The following ZNF710 variants were observed in gnomAD, a reference collection of about 807,000 sequenced individuals.
ZNF710 encodes zinc finger protein 710.
ZNF710 carries 13 observed loss-of-function variants against 50.6 expected under a neutral mutation model. That is an observed-to-expected ratio of 0.26 (90% CI 0.17 to 0.41). The LOEUF is 0.41. Ranked by LOEUF, ZNF710 falls within the 10% of genes least tolerant of loss-of-function variation. The pLI is 1.00. For synonymous variants in ZNF710, 383 were observed against 397.0 expected (o/e 0.96, Z 0.42); for missense variants, 721 against 936.6 (o/e 0.77, Z 3.01).
intron 1 of ZNF710, among the ~76,000 whole-genome samples, chr15:90,066,233 T>C (rs1180708922): frequency 1.3e-5 from 2 of 152,172 alleles, no homozygotes; most frequent in Non-Finnish European, 2.9e-5. Context: ...TTTTTTATAT[T>C]GTGTTTCTGC....
chr15:90,029,440 G>A (rs904039558), intron 1 of ZNF710, among the ~76,000 whole-genome samples: 1 of 152,134 alleles, frequency 6.6e-6, no homozygotes, highest in Admixed American at 6.5e-5. Flanking sequence ...CAACTCAAAC[G>A]GGAATGGATT....
At chr15:90,055,532 T>C (rs914747650) in intron 1 of ZNF710, among the ~76,000 whole-genome samples, 2 of 152,210 alleles carry the variant, frequency 1.3e-5, no homozygotes, top group African/African-American at 4.8e-5. Context: ...GACTGGGATG[T>C]GGAGCAGGTG....
chr15:90,031,643 T>C (rs947563980), intron 1 of ZNF710, among the ~76,000 whole-genome samples: 2 of 152,218 alleles, frequency 1.3e-5, no homozygotes, highest in African/African-American at 4.8e-5. Flanking sequence ...CCAATTCTTG[T>C]GAGCCACTGG....
At chr15:90,000,475 C>G (rs1025654105), upstream of ZNF710, among the ~76,000 whole-genome samples, 10 of 152,050 alleles carry the variant, frequency 6.6e-5, no homozygotes, top group Admixed American at 1.3e-4. Context: ...AGCAGTGCGC[C>G]CCGGGGCCGA....
intron 1 of ZNF710, among the ~76,000 whole-genome samples, chr15:90,053,761 G>A (rs964471041): frequency 1.3e-5 from 2 of 152,082 alleles, no homozygotes; most frequent in East Asian, 3.9e-4. Flanking sequence ...CCTGACCTCA[G>A]AGAAGCAGGG....
rs372425290 is a variant in ZNF710, at chr15:90,031,018, CA to C, written c.-29+29413del. ...TGGGCGACAGAGCGAGACTCCGTCT[CA>C]AAAAAAAAGAAAAAAAAAAAAATGC... is the stretch of plus-strand genomic sequence containing the variant. On this transcript the variant is annotated intron_variant, in intron 1 of 4. Transcript: ENST00000268154. Among the ~76,000 whole-genome samples, 17 of 89,792 alleles carry C rather than the reference CA, an allele frequency of 1.9e-4. 2 individuals are homozygous for C. The highest frequency in any genetic ancestry group is 9.1e-4 in the African/African-American group (16 of 17,544). 58.9% of individuals were successfully genotyped at this position (89,792 alleles called of 152,430 possible).
chr15:90,038,190 CCT>C (rs755090269), intron 1 of ZNF710, among the ~76,000 whole-genome samples: 10 of 152,146 alleles, frequency 6.6e-5, no homozygotes, highest in African/African-American at 2.4e-4. Flanking sequence ...GTAGCAGGCC[CCT>C]CTCTCTATCA....
Position 90,067,782 on chromosome 15 carries a change from G to A in ZNF710, c.645G>A (p.Glu215=), listed in dbSNP as rs770245646. Reference sequence around the variant, plus strand: ...CTGGGCCAGAGGCCTTGCCCACAGAGTGTGGGTTCGAGCCACCCCACCTGG... The same window carrying A: ...CTGGGCCAGAGGCCTTGCCCACAGAATGTGGGTTCGAGCCACCCCACCTGG... ...ALPGPEALPT[E]CGFEPPHLAP... Residue 215 remains glutamate (E), a synonymous_variant, in exon 2 of 5, where the codon GAG becomes GAA. Coordinates refer to ENST00000268154, the MANE Select transcript of ZNF710 (RefSeq NM_198526.4). The surrounding 1 kb of genome is among the most constrained non-coding windows in gnomAD (Gnocchi z 8.1). 21 of 1,584,124 alleles carry A rather than the reference G, an allele frequency of 1.3e-5. No homozygotes were observed. The highest frequency in any genetic ancestry group is 1.7e-5 in the Non-Finnish European group (20 of 1,166,254).
At chr15:90,043,436 A>C (rs1370809572) in intron 1 of ZNF710, among the ~76,000 whole-genome samples, 2 of 152,222 alleles carry the variant, frequency 1.3e-5, no homozygotes, top group Non-Finnish European at 2.9e-5. Context: ...ACCCTGTAAT[A>C]AAGCTGATGG....
chr15:90,002,074 C>G (rs1898027390), intron 1 of ZNF710, among the ~76,000 whole-genome samples: 2 of 151,402 alleles, frequency 1.3e-5, no homozygotes, highest in South Asian at 4.2e-4. Context: ...GGCGGAGGCT[C>G]TCGGGCCCGC....
At position 90,005,670 on chromosome 15, in the gene ZNF710, G is replaced by T. The variant is rs1022063258; in HGVS notation, c.-29+4056G>T. ...TCACCAGGTTGGCCAGGATGGTCTC[G>T]ATCTCTTCACCTCGTGATCTGCCCG... On this transcript the variant is annotated intron_variant, in intron 1 of 4. Transcript: ENST00000268154. Among the ~76,000 whole-genome samples, 4 of 152,140 alleles carry T rather than the reference G, an allele frequency of 2.6e-5. No homozygotes were observed. In the East Asian group the frequency reaches 7.7e-4, roughly 29 times the overall value.
chr15:90,065,340 G>A (rs1260193887), intron 1 of ZNF710, among the ~76,000 whole-genome samples: 1 of 152,194 alleles, frequency 6.6e-6, no homozygotes. Flanking sequence ...GGGAGCCCTG[G>A]GAGCAAAGCA....
At chr15:90,069,800 T>G (rs1900312574) in intron 2 of ZNF710, among the ~76,000 whole-genome samples, 1 of 152,150 alleles carries the variant, frequency 6.6e-6, no homozygotes, top group Non-Finnish European at 1.5e-5. Context: ...AACCCAGCCT[T>G]GACCCGTACT....
At position 90,079,872 on chromosome 15, in the gene ZNF710, TG is replaced by T. The variant is rs1261986090; in HGVS notation, c.*48del. On this transcript the variant is annotated 3_prime_UTR_variant, in exon 5 of 5. Transcript: ENST00000268154. ...CTAACGGGGGCCGGGGGCGAGGGCATGGGGGTGAGACCCATGGGCTGCAGGC... is the reference window on the plus strand; with the variant it reads ...CTAACGGGGGCCGGGGGCGAGGGCATGGGGTGAGACCCATGGGCTGCAGGC... 2 of 1,550,690 alleles carry T rather than the reference TG, an allele frequency of 1.3e-6. No individual in the cohort carries two copies. The highest frequency in any genetic ancestry group is 2.8e-5 in the African/African-American group (2 of 72,018).
At chr15:90,015,595 CTTTT>C (rs35261596) in intron 1 of ZNF710, among the ~76,000 whole-genome samples, 1 of 136,786 alleles carries the variant, frequency 7.3e-6, no homozygotes. Flanking sequence ...CAATGCAATT[CTTTT>C]TTTTTTTTTT....
intron 1 of ZNF710, among the ~76,000 whole-genome samples, chr15:90,005,660 G>T (rs1270528309): frequency 6.6e-6 from 1 of 152,186 alleles, no homozygotes; most frequent in Non-Finnish European, 1.5e-5. Context: ...AGGTTGGCCA[G>T]GATGGTCTCG....
chr15:90,009,772 C>T (rs1898248619), intron 1 of ZNF710, among the ~76,000 whole-genome samples: 3 of 152,136 alleles, frequency 2.0e-5, no homozygotes, highest in African/African-American at 7.2e-5. Flanking sequence ...TCTGTCCCCA[C>T]TTCCTCTCTC....
At chr15:90,026,822 A>G (rs1898794987) in intron 1 of ZNF710, among the ~76,000 whole-genome samples, 1 of 152,228 alleles carries the variant, frequency 6.6e-6, no homozygotes, top group South Asian at 2.1e-4. Context: ...AAATTGAACA[A>G]CCATGTCTAC....
At position 90,034,899 on chromosome 15, in the gene ZNF710, C is replaced by T. The variant is rs1180510420; in HGVS notation, c.-28-32211C>T. Among the ~76,000 whole-genome samples the T allele has an allele frequency of 6.6e-6, 1 of 152,210 alleles. No homozygotes were observed. Among genetic ancestry groups the T allele is most frequent in the Non-Finnish European group, 1.5e-5 (1 of 68,036 alleles). ...GAGTTGCAAGCTCCCAGAAACGATG[C>T]TGTTAGGACCCTCTGTTCACTCAGA... On this transcript the variant is annotated intron_variant, in intron 1 of 4. Transcript: ENST00000268154. This position sits in a 1 kb window ranked among gnomAD's most constrained non-coding sequence, Gnocchi z 4.0.
Sources: gnomAD v4.1 joint callset for allele counts (sites outside exome capture counted in the v4.1 genomes callset) on GRCh38, gnomAD v4.1.1 for gene constraint, Gnocchi (gnomAD v3.1) non-coding constraint, MANE v1.5 for transcripts, NCBI Gene and HGNC (gene_info 2026-07-23, HGNC 2026-07-21) for gene names.